EBF3: variants seen among roughly 807,000 people sequenced by gnomAD.
The protein encoded by EBF3 is EBF transcription factor 3.
Under a neutral mutation model 77.1 loss-of-function variants are expected in EBF3, and 18 were observed. The ratio of observed to expected loss-of-function variants is 0.23; its 90% CI spans 0.16 to 0.35. EBF3 has a LOEUF of 0.35. Among genes scored for constraint, EBF3 ranks in the 10% least tolerant of loss-of-function variants. The probability of loss-of-function intolerance (pLI) is 1.00; values close to 1 mark genes in which losing one functional copy is unlikely to be tolerated. For synonymous variants in EBF3, 350 were observed against 343.5 expected, an observed-to-expected ratio of 1.02 and a Z score of -0.21; for missense variants, 558 against 860.0, an observed-to-expected ratio of 0.65 and a Z score of 4.39.
chr10:129,953,832 G>C (rs899338217), intron 6 of EBF3, among the ~76,000 whole-genome samples: 1 of 152,212 alleles, frequency 6.6e-6, no homozygotes, highest in Non-Finnish European at 1.5e-5. Flanking sequence ...AAACAGACCG[G>C]GATGGCACGA....
intron 3 of EBF3, 100 bp from the exon 4 acceptor site, chr10:129,962,326 C>A (rs953790181): frequency 9.6e-7 from 1 of 1,044,080 alleles, no homozygotes; most frequent in Non-Finnish European, 1.5e-6. Flanking sequence ...ACTGCTGCCA[C>A]GGTGATGCAG....
At chr10:129,924,832 A>G (rs1856555019) in intron 6 of EBF3, among the ~76,000 whole-genome samples, 1 of 151,966 alleles carries the variant, frequency 6.6e-6, no homozygotes, top group African/African-American at 2.4e-5. Context: ...ACGCCTGGCT[A>G]ATTTAAAAAA....
intron 6 of EBF3, among the ~76,000 whole-genome samples, chr10:129,888,553 G>T (rs1413439746): frequency 6.6e-6 from 1 of 152,206 alleles, no homozygotes; most frequent in Non-Finnish European, 1.5e-5. Context: ...AGGAAAGAAG[G>T]CCGGGGCCAC....
intron 6 of EBF3, among the ~76,000 whole-genome samples, chr10:129,914,302 G>A (rs894685230): frequency 6.6e-6 from 1 of 152,116 alleles, no homozygotes; most frequent in Non-Finnish European, 1.5e-5. Context: ...CCTTGGCAGG[G>A]GCACGGCGTT....
intron 10 of EBF3, among the ~76,000 whole-genome samples, chr10:129,856,729 C>T (rs942265920): frequency 2.0e-5 from 3 of 152,122 alleles, no homozygotes; most frequent in South Asian, 4.1e-4. Context: ...GGTTCCTTTT[C>T]GTGTGAAGAA....
In EBF3 at chr10:129,941,187, T is replaced by C. The variant is rs184580054; in HGVS notation, c.554+16071A>G. Among the ~76,000 whole-genome samples the C allele has an allele frequency of 2.9e-3, 445 of 152,358 alleles. 1 individual carries two copies. The highest frequency in any genetic ancestry group is 4.6e-3 in the Non-Finnish European group (315 of 68,036). On this transcript the variant is annotated intron_variant, in intron 6 of 16. Transcript: ENST00000440978. The stretch of plus-strand genomic sequence containing the variant: ...ATAAATAACCACTAAATTCAGCCTG[T>C]TGGCAGGCATCAAGTTCAAGGGACG...
rs1279984345 is a variant in EBF3 at position 129,943,099 on chromosome 10, G to T, written c.554+14159C>A. The stretch of plus-strand genomic sequence containing the variant: ...CTTTGCCTGCACGATGGGAATGACT[G>T]GATCACTCCACCGGCTGCTCAAGAA... On this transcript the variant is annotated intron_variant, in intron 6 of 16. Coordinates refer to ENST00000440978, the MANE Select transcript of EBF3 (RefSeq NM_001375380.1). The surrounding 1 kb of genome is among the most constrained non-coding windows in gnomAD (Gnocchi z 8.8). Among the ~76,000 whole-genome samples, 2 of 152,202 alleles carry T rather than the reference G, an allele frequency of 1.3e-5. No homozygotes were observed. The highest frequency in any genetic ancestry group is 2.9e-5 in the Non-Finnish European group (2 of 68,050).
At position 129,963,228 on chromosome 10, in the gene EBF3, C is replaced by A. The variant is rs1859666141; in HGVS notation, c.291+139G>T. 1.6e-6 allele frequency: 2 copies of A among 1,283,888 alleles called. No homozygotes were observed. Among genetic ancestry groups the A allele is most frequent in the South Asian group, 1.7e-5 (1 of 57,188 alleles). The allele number at this position is 1,283,888 out of a possible 1,614,324, so 79.5% of individuals were successfully genotyped here. A position where few individuals can be genotyped will look rare whatever the true frequency, so the allele number is the denominator to read the frequency against. On this transcript the variant is annotated intron_variant, in intron 2 of 16. Coordinates refer to ENST00000440978, the MANE Select transcript of EBF3 (RefSeq NM_001375380.1). The surrounding 1 kb of genome is among the most constrained non-coding windows in gnomAD (Gnocchi z 7.1). ...TTGCCCAGCCCTCGGCGGTCCCGGG[C>A]GGCCGCACGTGGCGGCGGCGGGGTG...
Position 129,962,848 on chromosome 10 carries a change from T to C in EBF3, c.355+94A>G, listed in dbSNP as rs192655424. ...TGAGAAGATTTCGTGTTTACATCCA[T>C]GTCATTTTAATCTCAAATCTTTATG... is the stretch of plus-strand genomic sequence containing the variant. On this transcript the variant is annotated intron_variant, in intron 3 of 16. Coordinates refer to ENST00000440978, the MANE Select transcript of EBF3 (RefSeq NM_001375380.1). The C allele has an allele frequency of 2.0e-4, 285 of 1,447,532 alleles. 1 individual carries two copies. Among genetic ancestry groups the C allele is most frequent in the Non-Finnish European group, 2.6e-4 (273 of 1,039,348 alleles). The allele number at this position is 1,447,532 out of a possible 1,614,324, so 89.7% of individuals were successfully genotyped here.
intron 6 of EBF3, among the ~76,000 whole-genome samples, chr10:129,878,158 G>C (rs1008951758): frequency 1.3e-5 from 2 of 152,088 alleles, no homozygotes; most frequent in Non-Finnish European, 2.9e-5. Context: ...ATTAACCATG[G>C]GGGAAACATT....
rs1014177828 is a variant in EBF3 at position 129,959,997 on chromosome 10, T to C, written c.412-990A>G. On this transcript the variant is annotated intron_variant, in intron 4 of 16. Coordinates refer to ENST00000440978, the MANE Select transcript of EBF3 (RefSeq NM_001375380.1). ...GGCTCCGCCAGATGGTGCGAAGCCCTAGGTGCGCTCACGGCCGCGCTCAGC... is the reference window on the plus strand; with the variant it reads ...GGCTCCGCCAGATGGTGCGAAGCCCCAGGTGCGCTCACGGCCGCGCTCAGC... 6.8e-4 allele frequency among the ~76,000 whole-genome samples: 104 copies of C among 151,914 alleles called. 1 individual carries two copies. The highest frequency in any genetic ancestry group is 1.5e-4 in the Non-Finnish European group (10 of 67,970).
At chr10:129,948,202 G>A (rs573859996) in intron 6 of EBF3, among the ~76,000 whole-genome samples, 5 of 139,226 alleles carry the variant, frequency 3.6e-5, no homozygotes, top group Admixed American at 7.9e-5. Flanking sequence ...AGGTTGCAGT[G>A]AGCCAAGATT....
chr10:129,937,552 C>T (rs886707931), intron 6 of EBF3, among the ~76,000 whole-genome samples: 2 of 152,232 alleles, frequency 1.3e-5, no homozygotes, highest in Non-Finnish European at 2.9e-5. Flanking sequence ...CATTCCCATT[C>T]AGGCAGCTAC....
intron 6 of EBF3, among the ~76,000 whole-genome samples, chr10:129,899,382 G>A (rs1250517864): frequency 6.6e-6 from 1 of 152,206 alleles, no homozygotes; most frequent in African/African-American, 2.4e-5. Flanking sequence ...AGGAACATAA[G>A]GAAGTTGTTC....
rs1447220222 is a variant in EBF3 at position 129,861,339 on chromosome 10, T to C, written c.1039+5802A>G. Among the ~76,000 whole-genome samples, 6 of 152,094 alleles carry C rather than the reference T, an allele frequency of 3.9e-5. No individual in the cohort carries two copies. The Middle Eastern group carries it at 0.014, about 345-fold the overall frequency. ...ACCCCACTTGGTACGAAAAAAAAAG[T>C]CACCCTTTGCCATCCATATTTAAAC... On this transcript the variant is annotated intron_variant, in intron 10 of 16. Coordinates refer to ENST00000440978, the MANE Select transcript of EBF3 (RefSeq NM_001375380.1). The surrounding 1 kb of genome is among the most constrained non-coding windows in gnomAD (Gnocchi z 4.3).
intron 6 of EBF3, among the ~76,000 whole-genome samples, chr10:129,933,424 T>G (rs1051441287): frequency 6.6e-6 from 1 of 152,222 alleles, no homozygotes; most frequent in Non-Finnish European, 1.5e-5. Context: ...AGACTGGCAG[T>G]GTGCATTTAG....
Position 129,843,119 on chromosome 10 carries a change from G to A in EBF3, c.1194+18C>T. 1.2e-6 allele frequency: 2 copies of A among 1,610,928 alleles called. No homozygotes were observed. Among genetic ancestry groups the A allele is most frequent in the South Asian group, 2.2e-5 (2 of 90,776 alleles). On this transcript the variant is annotated intron_variant, in intron 12 of 16. Coordinates refer to ENST00000440978, the MANE Select transcript of EBF3 (RefSeq NM_001375380.1). The stretch of plus-strand genomic sequence containing the variant: ...GCATGGGGGGGAGGATGGGCGAGGG[G>A]AGCCGCCCTCCACCTACCTGGTTGT...
intron 6 of EBF3, among the ~76,000 whole-genome samples, chr10:129,921,084 G>A (rs930816829): frequency 5.9e-5 from 9 of 152,190 alleles, no homozygotes; most frequent in South Asian, 4.1e-4. Flanking sequence ...CAGCCTCATC[G>A]GCTAAAAGTA....
Position 129,837,871 on chromosome 10 carries a change from G to C in EBF3, c.*72C>G. The C allele has an allele frequency of 6.2e-7, 1 of 1,606,350 alleles. No homozygotes were observed. Among genetic ancestry groups the C allele is most frequent in the Non-Finnish European group, 8.5e-7 (1 of 1,173,268 alleles). ...ATCAGCATGTCTTAATATACTAAACGTGTCCCCTGAAGTCCGTCCTTTGAT... is the reference window on the plus strand; with the variant it reads ...ATCAGCATGTCTTAATATACTAAACCTGTCCCCTGAAGTCCGTCCTTTGAT... On this transcript the variant is annotated 3_prime_UTR_variant, in exon 17 of 17. Coordinates refer to ENST00000440978, the MANE Select transcript of EBF3 (RefSeq NM_001375380.1).
Sources: gnomAD v4.1 joint callset for allele counts (sites outside exome capture counted in the v4.1 genomes callset) on GRCh38, gnomAD v4.1.1 for gene constraint, Gnocchi (gnomAD v3.1) non-coding constraint, MANE v1.5 for transcripts, NCBI Gene and HGNC (gene_info 2026-07-23, HGNC 2026-07-21) for gene names.